The following EXPH5 variants were observed in gnomAD, a reference collection of about 807,000 sequenced individuals.
EXPH5 encodes the protein exophilin 5.
A neutral mutation model predicts 41.1 loss-of-function variants in EXPH5; 42 were observed. The ratio of observed to expected loss-of-function variants is 1.02; its 90% confidence interval spans 0.80 to 1.32. EXPH5 has a LOEUF of 1.32. Among genes scored for constraint, EXPH5 ranks in the 40% most tolerant of loss-of-function variants. The probability of loss-of-function intolerance (pLI) is 0.00; values close to 1 mark genes in which losing one functional copy is unlikely to be tolerated. For synonymous variants in EXPH5, 798 were observed against 833.5 expected, an observed-to-expected ratio of 0.96 and a Z score of 0.73; for missense variants, 2,298 against 2,314.5, an observed-to-expected ratio of 0.99 and a Z score of 0.15.
chr11:108,543,218 T>G (rs74939701), intron 1 of EXPH5, among the ~76,000 whole-genome samples: 12,264 of 152,262 alleles, frequency 0.081, 601 homozygotes, highest in Middle Eastern at 0.12. Flanking sequence ...TCTTCTCTCC[T>G]CCCCTTTCCT....
Position 108,512,281 on chromosome 11 carries a change from C to T in EXPH5, c.3226G>A (p.Glu1076Lys). ...MLNKFSPSSP[E>K]SANECSKVLS... ...ACTTTGGAACATTCATTCGCTGACT[C>T]AGGAGAACTGGGACTAAATTTGTTT... Residue 1076 changes from glutamate to lysine, a missense_variant, in exon 6 of 6, where the codon GAG becomes AAG. Glu to Lys is a moderately conservative substitution (Grantham distance 56, BLOSUM62 1). Coordinates refer to ENST00000265843, the MANE Select transcript of EXPH5 (RefSeq NM_015065.3). 3.1e-6 allele frequency: 5 copies of T among 1,613,392 alleles called. No homozygotes were observed. The highest frequency in any genetic ancestry group is 4.2e-6 in the Non-Finnish European group (5 of 1,179,810).
rs148674461 is a variant in EXPH5 at position 108,511,992 on chromosome 11, T to C, written c.3515A>G (p.Asp1172Gly). 3.1e-6 allele frequency: 5 copies of C among 1,594,788 alleles called. No individual in the cohort carries two copies. Among genetic ancestry groups the C allele is most frequent in the African/African-American group, 1.4e-5 (1 of 73,850 alleles). Residue 1172 changes from aspartate to glycine, a missense_variant, in exon 6 of 6, where the codon GAT becomes GGT. By Grantham distance (94) the Asp-to-Gly change is moderately conservative. Coordinates refer to ENST00000265843, the MANE Select transcript of EXPH5 (RefSeq NM_015065.3). ...GTGTTGTCTTTTGGTTAAAGAACAATCTCTAACAGATGAGTCACTTTCCAC... is the reference window on the plus strand; with the variant it reads ...GTGTTGTCTTTTGGTTAAAGAACAACCTCTAACAGATGAGTCACTTTCCAC... ...SPVESDSSVR[D>G]CSLTKRQHQK... is the part of the protein sequence containing the mutation.
the EXPH5 span, among the ~76,000 whole-genome samples, chr11:108,601,129 T>G: frequency 6.6e-6 from 1 of 152,228 alleles, no homozygotes; most frequent in Non-Finnish European, 1.5e-5. Context: ...ACTTGAGTAC[T>G]AATTGAGCAG....
At chr11:108,581,273 C>T (rs926943335) in intron 1 of EXPH5, among the ~76,000 whole-genome samples, 6 of 151,800 alleles carry the variant, frequency 4.0e-5, no homozygotes, top group South Asian at 4.2e-4. Flanking sequence ...CACTGCACTC[C>T]AGCCTGGGCA....
chr11:108,586,202 G>A (rs2094112325), intron 1 of EXPH5, among the ~76,000 whole-genome samples: 1 of 151,688 alleles, frequency 6.6e-6, no homozygotes, highest in African/African-American at 2.4e-5. Context: ...CTCCTACCTC[G>A]GCCTCCCGAA....
In EXPH5 at chr11:108,509,515, A is replaced by C. The variant is rs1421862995; in HGVS notation, c.*22T>G. On this transcript the variant is annotated 3_prime_UTR_variant, in exon 6 of 6. Coordinates refer to ENST00000265843, the MANE Select transcript of EXPH5 (RefSeq NM_015065.3). ...ATTATAAGCTTTTGGTGAAAAAAGT[A>C]AAGCATTTTATTGAAAAAGCCTCAC... The C allele has an allele frequency of 1.3e-6, 2 of 1,528,052 alleles. No individual in the cohort carries two copies. Among genetic ancestry groups the C allele is most frequent in the Non-Finnish European group, 1.7e-6 (2 of 1,143,324 alleles). The allele number at this position is 1,528,052 out of a possible 1,614,324, so 94.7% of individuals were successfully genotyped here.
chr11:108,573,798 A>G (rs1396349621), intron 1 of EXPH5, among the ~76,000 whole-genome samples: 1 of 152,250 alleles, frequency 6.6e-6, no homozygotes, highest in Non-Finnish European at 1.5e-5. Context: ...TTCTCATCTT[A>G]AAAACAAAAG....
In EXPH5 at chr11:108,514,586, T is replaced by C. The variant is rs2093710496; in HGVS notation, c.921A>G (p.Lys307=). ...MYRTREPRVF[K]EDYVQKNTFG... is the part of the protein sequence containing the mutation. ...AAGTATTCTTTTGCACATAATCTTC[T>C]TTAAAGACTCTGGGCTCCCTTGTCC... Residue 307 remains lysine (K), a synonymous_variant, in exon 6 of 6, where the codon AAA becomes AAG. Transcript: ENST00000265843. 6.2e-7 allele frequency: 1 copy of C among 1,613,902 alleles called. No homozygotes were observed. The highest frequency in any genetic ancestry group is 1.3e-5 in the African/African-American group (1 of 74,910).
At position 108,518,384 on chromosome 11, in the gene EXPH5, A is replaced by G. The variant is rs1172048270; in HGVS notation, c.493-11T>C. 1 of 1,613,120 alleles carries G rather than the reference A, an allele frequency of 6.2e-7. No homozygotes were observed. The highest frequency in any genetic ancestry group is 2.2e-5 in the East Asian group (1 of 44,862). On this transcript the variant is annotated splice_polypyrimidine_tract_variant and intron_variant, in intron 4 of 5. Coordinates refer to ENST00000265843, the MANE Select transcript of EXPH5 (RefSeq NM_015065.3). Reference sequence around the variant, plus strand: ...GTATATTTTTGCCTGCTAATTTTAAAGCAGAGAACACAATATTATTTCTGA... The same window carrying G: ...GTATATTTTTGCCTGCTAATTTTAAGGCAGAGAACACAATATTATTTCTGA...
intron 1 of EXPH5, among the ~76,000 whole-genome samples, chr11:108,554,310 C>A (rs1424128157): frequency 6.6e-6 from 1 of 152,222 alleles, no homozygotes; most frequent in Non-Finnish European, 1.5e-5. Context: ...CCGCCTCAGC[C>A]TCCCAAAGTG....
At chr11:108,535,420 A>G (rs1393207107) in intron 3 of EXPH5, among the ~76,000 whole-genome samples, 1 of 152,148 alleles carries the variant, frequency 6.6e-6, no homozygotes, top group African/African-American at 2.4e-5. Context: ...TCACAGAAGG[A>G]GCATTTCCAA....
At chr11:108,598,365 T>C (rs183898599), upstream of EXPH5, among the ~76,000 whole-genome samples, 28 of 152,330 alleles carry the variant, frequency 1.8e-4, no homozygotes, top group African/African-American at 6.5e-4. Flanking sequence ...TAGTATTTGT[T>C]TAACCTGCTG....
intron 1 of EXPH5, among the ~76,000 whole-genome samples, chr11:108,573,156 G>C (rs2094067244): frequency 7.8e-6 from 1 of 128,558 alleles, no homozygotes; most frequent in Non-Finnish European, 1.6e-5. Context: ...AAGAAAGAAA[G>C]AAAGAAAGAA....
chr11:108,605,589 T>C, the EXPH5 span, among the ~76,000 whole-genome samples: 1 of 152,164 alleles, frequency 6.6e-6, no homozygotes, highest in East Asian at 1.9e-4. Context: ...CAAAGAATTA[T>C]GTGGTCCAAA....
rs754547787 is a variant in EXPH5, at chr11:108,510,647, G to C, written c.4860C>G (p.Phe1620Leu). 6.2e-7 allele frequency: 1 copy of C among 1,614,064 alleles called. No homozygotes were observed. Among genetic ancestry groups the C allele is most frequent in the African/African-American group, 1.3e-5 (1 of 74,922 alleles). Reference protein sequence around the residue: ...VSPRRHVATIFPQSGSRSGFD... With the variant: ...VSPRRHVATILPQSGSRSGFD... Reference sequence around the variant, plus strand: ...AGCCAGATCTGCTTCCACTTTGGGGGAAGATAGTAGCTACATGTCTTCTGG... The same window carrying C: ...AGCCAGATCTGCTTCCACTTTGGGGCAAGATAGTAGCTACATGTCTTCTGG... The change falls in exon 6 of 6, where the codon TTC (phenylalanine) becomes TTG (leucine). Residue 1620 changes from phenylalanine to leucine, a missense_variant. Transcript: ENST00000265843.
At chr11:108,532,210 C>G (rs781281749) in intron 3 of EXPH5, among the ~76,000 whole-genome samples, 2 of 147,884 alleles carry the variant, frequency 1.4e-5, no homozygotes, top group Non-Finnish European at 3.0e-5. Context: ...CAGGGTCTTG[C>G]CTAGTTGCCC....
intron 1 of EXPH5, among the ~76,000 whole-genome samples, chr11:108,546,301 AG>A: frequency 6.6e-6 from 1 of 152,268 alleles, no homozygotes; most frequent in South Asian, 2.1e-4. Flanking sequence ...GCATTTTAGA[AG>A]ATCATCCTAG....
intron 1 of EXPH5, among the ~76,000 whole-genome samples, chr11:108,587,656 T>C (rs2094117226): frequency 6.6e-6 from 1 of 152,242 alleles, no homozygotes; most frequent in South Asian, 2.1e-4. Context: ...AAAAGACATT[T>C]TTAAAAAGTA....
At chr11:108,594,220 C>A (rs2094135335), upstream of EXPH5, among the ~76,000 whole-genome samples, 1 of 152,116 alleles carries the variant, frequency 6.6e-6, no homozygotes, top group African/African-American at 2.4e-5. Flanking sequence ...TTAGTGTATC[C>A]TTGGAAACGA....
Sources: gnomAD v4.1 joint callset for allele counts (sites outside exome capture counted in the v4.1 genomes callset) on GRCh38, gnomAD v4.1.1 for gene constraint, MANE v1.5 for transcripts, NCBI Gene and HGNC (gene_info 2026-07-23, HGNC 2026-07-21) for gene names.